The following LCN12 variants were observed in gnomAD, a reference collection of about 807,000 sequenced individuals.
The protein encoded by LCN12 is lipocalin 12.
Under a neutral mutation model 23.7 loss-of-function variants are expected in LCN12, and 15 were observed. The observed-to-expected ratio is 0.63, with a 90% CI of 0.42 to 0.97. LCN12 has a LOEUF of 0.97. Ranked by LOEUF, LCN12 falls within the 50% of genes least tolerant of loss-of-function variation. LCN12 has a pLI of 0.00. For synonymous variants in LCN12, 116 were observed against 111.5 expected, an observed-to-expected ratio of 1.04 and a Z score of -0.25; for missense variants, 219 against 249.6, an observed-to-expected ratio of 0.88 and a Z score of 0.83.
chr9:136,955,268 C>T, intron 5 of LCN12, 103 bp from the exon 6 acceptor site: 1 of 1,525,026 alleles, frequency 6.6e-7, no homozygotes, highest in Non-Finnish European at 8.8e-7. Context: ...CTGCTTCTCA[C>T]CTGAAGCCAC....
At chr9:136,953,363 TTGGGGGCCGGGCGCGGTCGCGC>T (rs2131376632) in intron 2 of LCN12, 1 of 92,444 alleles carries the variant, frequency 1.1e-5, no homozygotes, top group Non-Finnish European at 2.0e-5. Flanking sequence ...TCCTAGCACT[TTGGGGGCCGGGCGCGGTCGCGC>T]ACACCTGTAA....
chr9:136,952,840 G>GGC, intron 1 of LCN12, 52 bp from the exon 2 acceptor site: 10 of 1,586,242 alleles, frequency 6.3e-6, no homozygotes, highest in Non-Finnish European at 8.6e-6. Context: ...TCCTGACCCT[G>GGC]CCCACTGCCA....
intron 1 of LCN12, 62 bp from the exon 2 acceptor site, chr9:136,952,830 T>C (rs1311076162): frequency 1.2e-5 from 19 of 1,576,932 alleles, no homozygotes; most frequent in Non-Finnish European, 1.4e-5. Context: ...GGGAGGGGGC[T>C]CCTGACCCTG....
chr9:136,955,484 G>A lies in LCN12; in HGVS notation c.*85G>A, dbSNP rs1355773248. The A allele has an allele frequency of 5.1e-5, 73 of 1,424,796 alleles. No individual in the cohort carries two copies. The highest frequency in any genetic ancestry group is 4.9e-6 in the Non-Finnish European group (5 of 1,019,046). The allele number at this position is 1,424,796 out of a possible 1,614,324, so 88.3% of individuals were successfully genotyped here. On this transcript the variant is annotated 3_prime_UTR_variant, in exon 6 of 6. Transcript: ENST00000371633. Reference sequence around the variant, plus strand: ...CCTCAGCTCTCAAACCTGAATAAATGCACCAAGCCCAGAGCCCCAGAGTGT... The same window carrying A: ...CCTCAGCTCTCAAACCTGAATAAATACACCAAGCCCAGAGCCCCAGAGTGT...
chr9:136,949,336 C>T (rs1214014949), upstream of LCN12, among the ~76,000 whole-genome samples: 1 of 152,230 alleles, frequency 6.6e-6, no homozygotes, highest in Non-Finnish European at 1.5e-5. Context: ...TGGGTGCCCC[C>T]GCCTTGCCTG....
chr9:136,952,547 C>A, intron 1 of LCN12, 106 bp downstream of exon 1: 1 of 840,156 alleles, frequency 1.2e-6, no homozygotes, highest in Non-Finnish European at 1.9e-6. Context: ...CCAGGACCAG[C>A]CGTGCTTCCA....
chr9:136,952,579 G>C, intron 1 of LCN12, 138 bp downstream of exon 1: 1 of 681,180 alleles, frequency 1.5e-6, no homozygotes, highest in Non-Finnish European at 2.5e-6. Flanking sequence ...GCGGGCCCCT[G>C]ACCTCCAGCA....
chr9:136,950,519 G>C (rs1851128568), upstream of LCN12, among the ~76,000 whole-genome samples: 3 of 152,202 alleles, frequency 2.0e-5, no homozygotes, highest in Admixed American at 2.0e-4. Flanking sequence ...AGCGGGGACT[G>C]TCCTGTACAT....
chr9:136,953,921 C>A lies in LCN12; in HGVS notation c.405C>A (p.Arg135=). The change falls in exon 4 of 6, where the codon CGC becomes CGA. Residue 135 remains arginine (R), a synonymous_variant. Transcript: ENST00000371633. ...CCCAGTTCGCCCTGATGCTGTCCCG[C>A]AGACACACGAGCAGGCTGGCCGTCC... ...DYTQFALMLS[R]RHTSRLAVLR... 1 of 1,611,752 alleles carries A rather than the reference C, an allele frequency of 6.2e-7. No individual in the cohort carries two copies. Among genetic ancestry groups the A allele is most frequent in the Non-Finnish European group, 8.5e-7 (1 of 1,179,796 alleles).
chr9:136,951,596 A>G (rs991324645), upstream of LCN12, among the ~76,000 whole-genome samples: 3 of 151,990 alleles, frequency 2.0e-5, no homozygotes, highest in African/African-American at 7.3e-5. Context: ...TGGGGTGCCC[A>G]CTCCCATTAG....
Position 136,954,176 on chromosome 9 carries a change from CG to C in LCN12, c.474del (p.Thr159ArgfsTer24), listed in dbSNP as rs1564448182. The C allele has an allele frequency of 1.9e-6, 3 of 1,566,482 alleles. No individual in the cohort carries two copies. On this transcript the variant is annotated frameshift_variant, in exon 5 of 6. Coordinates refer to ENST00000371633, the MANE Select transcript of LCN12 (RefSeq NM_178536.4). LOFTEE classifies it high-confidence loss of function. ...LLGRSWLLPP[G>X]TLDQFICLGR... ...CAGGCAGGAGCTGGTTGCTGCCTCC[CG>C]GGACGCTGGACCAGTTCATCTGCCT...
upstream of LCN12, among the ~76,000 whole-genome samples, chr9:136,951,699 C>T (rs1480436021): frequency 6.6e-6 from 1 of 152,248 alleles, no homozygotes; most frequent in Non-Finnish European, 1.5e-5. Context: ...GCTCTGCAGG[C>T]CCCAGCCTCC....
intron 5 of LCN12, chr9:136,955,112 G>A (rs1370226808): frequency 1.4e-6 from 2 of 1,415,562 alleles, no homozygotes; most frequent in East Asian, 2.6e-5. Context: ...GTGAGTCTGG[G>A]GGCCCATGGG....
In LCN12 at chr9:136,954,127, AC is replaced by A. The variant is rs1371442691; in HGVS notation, c.449-24del. 2.6e-6 allele frequency: 4 copies of A among 1,532,400 alleles called. No homozygotes were observed. The East Asian group carries it at 9.7e-5, about 37-fold the overall frequency. 94.9% of individuals were successfully genotyped at this position (1,532,400 alleles called of 1,614,324 possible). ...CCCCAACCCCCTGCCAAGTGCACAG[AC>A]CCATGCTGGGCTCCCTGGGCTGCAG... On this transcript the variant is annotated intron_variant, in intron 4 of 5. Coordinates refer to ENST00000371633, the MANE Select transcript of LCN12 (RefSeq NM_178536.4).
chr9:136,954,153 GGC>G lies in LCN12; in HGVS notation c.449_450del (p.Gly150GlufsTer25). The part of the protein sequence containing the change: ...RLAVLRISLL[G>X]RSWLLPPGTL... ...CCCATGCTGGGCTCCCTGGGCTGCA[GGC>G]AGGAGCTGGTTGCTGCCTCCCGGGA... On this transcript the variant is annotated frameshift_variant and splice_region_variant, in exon 5 of 6. Transcript: ENST00000371633. LOFTEE classifies it high-confidence loss of function. The G allele has an allele frequency of 6.4e-7, 1 of 1,551,478 alleles. No homozygotes were observed. Among genetic ancestry groups the G allele is most frequent in the Non-Finnish European group, 8.7e-7 (1 of 1,146,660 alleles).
Position 136,954,304 on chromosome 9 carries a change from C to T in LCN12, c.550+49C>T, listed in dbSNP as rs1410851762. 14 of 1,541,790 alleles carry T rather than the reference C, an allele frequency of 9.1e-6. No homozygotes were observed. The East Asian group carries it at 3.2e-4, about 35-fold the overall frequency. ...TGCTGGGCAGTAGGCACGGGGCCCGCAGGAATGAGTTTGGTTGACCCTAGA... is the reference window on the plus strand; with the variant it reads ...TGCTGGGCAGTAGGCACGGGGCCCGTAGGAATGAGTTTGGTTGACCCTAGA... On this transcript the variant is annotated intron_variant, in intron 5 of 5. Coordinates refer to ENST00000371633, the MANE Select transcript of LCN12 (RefSeq NM_178536.4).
chr9:136,950,695 C>T (rs1487920577), upstream of LCN12, among the ~76,000 whole-genome samples: 1 of 152,168 alleles, frequency 6.6e-6, no homozygotes, highest in African/African-American at 2.4e-5. Flanking sequence ...TTGGGGAGTT[C>T]AGGGGAATGA....
chr9:136,950,675 C>T (rs1851131469), upstream of LCN12, among the ~76,000 whole-genome samples: 1 of 152,188 alleles, frequency 6.6e-6, no homozygotes, highest in African/African-American at 2.4e-5. Flanking sequence ...GGTGGAGAGT[C>T]GAAGGCGCCT....
downstream of LCN12, among the ~76,000 whole-genome samples, chr9:136,956,201 G>T (rs893555295): frequency 2.6e-5 from 4 of 152,212 alleles, no homozygotes; most frequent in Non-Finnish European, 5.9e-5. Context: ...CGGGCAGGGA[G>T]AGCAGGACAC....
Sources: gnomAD v4.1 joint callset for allele counts (sites outside exome capture counted in the v4.1 genomes callset) on GRCh38, gnomAD v4.1.1 for gene constraint, MANE v1.5 for transcripts, NCBI Gene and HGNC (gene_info 2026-07-23, HGNC 2026-07-21) for gene names.